MED21: variants seen among roughly 807,000 people sequenced by gnomAD.
MED21 encodes the protein mediator of RNA polymerase II transcription subunit 21.
Under a neutral mutation model 18.2 loss-of-function variants are expected in MED21, and 9 were observed. The ratio of observed to expected loss-of-function variants is 0.49; its 90% CI spans 0.30 to 0.86. The LOEUF is 0.86. Among genes scored for constraint, MED21 ranks in the 40% least tolerant of loss-of-function variants. The pLI is 0.07. For synonymous variants in MED21, 73 were observed against 60.5 expected, an observed-to-expected ratio of 1.21 and a Z score of -0.96; for missense variants, 150 against 170.9, an observed-to-expected ratio of 0.88 and a Z score of 0.68.
intron 1 of MED21, 116 bp downstream of exon 1, chr12:27,022,737 T>C (rs2136479453): frequency 6.3e-7 from 1 of 1,583,650 alleles, no homozygotes; most frequent in South Asian, 1.1e-5. Context: ...AGACAGGGCT[T>C]CGGCATAAAG....
Position 27,028,590 on chromosome 12 carries a change from G to T in MED21, c.*129G>T. 2.2e-6 allele frequency: 3 copies of T among 1,336,716 alleles called. No homozygotes were observed. Among genetic ancestry groups the T allele is most frequent in the Non-Finnish European group, 2.9e-6 (3 of 1,039,152 alleles). 82.8% of individuals were successfully genotyped at this position (1,336,716 alleles called of 1,614,324 possible). ...AACACTATGACACATTACCTTTTTA[G>T]CTATTTTTAATAGTCTTCTATTTTC... On this transcript the variant is annotated 3_prime_UTR_variant, in exon 4 of 4. Coordinates refer to ENST00000282892, the MANE Select transcript of MED21 (RefSeq NM_004264.5).
intron 1 of MED21, among the ~76,000 whole-genome samples, chr12:27,025,144 C>G (rs1941527240): frequency 6.6e-6 from 1 of 152,068 alleles, no homozygotes; most frequent in Non-Finnish European, 1.5e-5. Context: ...TGTGTGTTTC[C>G]TCTATTACAA....
chr12:27,022,649 G>T, intron 1 of MED21, 28 bp downstream of exon 1: 1 of 1,610,526 alleles, frequency 6.2e-7, no homozygotes, highest in Non-Finnish European at 8.5e-7. Context: ...ATTAGCCTCT[G>T]TCTTTCTCTT....
intron 2 of MED21, chr12:27,037,463 A>G (rs1263481672): frequency 6.6e-6 from 1 of 151,988 alleles, no homozygotes; most frequent in Admixed American, 6.6e-5. Context: ...CCTGGCCAGA[A>G]CTTCCAACAC....
intron 1 of MED21, among the ~76,000 whole-genome samples, chr12:27,025,294 C>T (rs1291193797): frequency 6.6e-6 from 1 of 152,132 alleles, no homozygotes; most frequent in Non-Finnish European, 1.5e-5. Context: ...TGGGCAAAGC[C>T]ATTTAGTCAT....
In MED21 at chr12:27,028,842, C is replaced by T; in HGVS notation, c.*381C>T. On this transcript the variant is annotated 3_prime_UTR_variant, in exon 4 of 4. Transcript: ENST00000282892. ...AAGCCAAAGGAGAAGACAGTAAGAA[C>T]AGACATAAGGGACATTTTAGTTTGG... The T allele has an allele frequency of 1.0e-6, 1 of 991,350 alleles. No homozygotes were observed. Among genetic ancestry groups the T allele is most frequent in the Non-Finnish European group, 1.2e-6 (1 of 833,462 alleles). 61.4% of individuals were successfully genotyped at this position (991,350 alleles called of 1,614,324 possible).
At chr12:27,034,203 G>C (rs1044590218), downstream of MED21, among the ~76,000 whole-genome samples, 10 of 152,132 alleles carry the variant, frequency 6.6e-5, no homozygotes, top group African/African-American at 2.4e-4. Flanking sequence ...ATCACCTGAG[G>C]TCAGGTGTTC....
rs1192788582 is a variant in MED21, at chr12:27,029,292, TC to T, written c.*833del. The T allele has an allele frequency of 7.1e-6, 7 of 985,276 alleles. No individual in the cohort carries two copies. The Admixed American group carries it at 4.3e-4, about 61-fold the overall frequency. The allele number at this position is 985,276 out of a possible 1,614,324, so 61.0% of individuals were successfully genotyped here. Reference sequence around the variant, plus strand: ...TATTCTAGTCAGACCAGAACATACTTCCACTACATCAGTTACTTGGCATCAT... The same window carrying T: ...TATTCTAGTCAGACCAGAACATACTTCACTACATCAGTTACTTGGCATCAT... On this transcript the variant is annotated 3_prime_UTR_variant, in exon 4 of 4. Coordinates refer to ENST00000282892, the MANE Select transcript of MED21 (RefSeq NM_004264.5).
In MED21 at chr12:27,029,357, C is replaced by G. The variant is rs1414419462; in HGVS notation, c.*896C>G. The G allele has an allele frequency of 3.0e-6, 3 of 985,244 alleles. No individual in the cohort carries two copies. Among genetic ancestry groups the G allele is most frequent in the Non-Finnish European group, 3.6e-6 (3 of 829,906 alleles). 61.0% of individuals were successfully genotyped at this position (985,244 alleles called of 1,614,324 possible). ...ATTATTGCCAAATAATAATTTGTGT[C>G]AGCATTTTCAACTATGGTTATTCAT... is the stretch of plus-strand genomic sequence containing the variant. On this transcript the variant is annotated 3_prime_UTR_variant, in exon 4 of 4. Transcript: ENST00000282892.
At position 27,026,058 on chromosome 12, in the gene MED21, CT is replaced by C. The variant is rs1375398996; in HGVS notation, c.43-358del. ...TAGATATTTACAAGTCAAATTTGCTCTTTTCCATCACTATCCCCAAAAAGTC... is the reference window on the plus strand; with the variant it reads ...TAGATATTTACAAGTCAAATTTGCTCTTTCCATCACTATCCCCAAAAAGTC... On this transcript the variant is annotated intron_variant, in intron 1 of 3. Coordinates refer to ENST00000282892, the MANE Select transcript of MED21 (RefSeq NM_004264.5). Among the ~76,000 whole-genome samples, 3 of 152,292 alleles carry C rather than the reference CT, an allele frequency of 2.0e-5. No individual in the cohort carries two copies. In the East Asian group the frequency reaches 5.8e-4, roughly 29 times the overall value.
rs1218701366 is a variant in MED21, at chr12:27,030,234, A to G, written c.*1773A>G. 3.2e-6 allele frequency: 2 copies of G among 634,366 alleles called. No homozygotes were observed. The highest frequency in any genetic ancestry group is 5.8e-6 in the Non-Finnish European group (2 of 344,492). 39.3% of individuals were successfully genotyped at this position (634,366 alleles called of 1,614,324 possible). A position where few individuals can be genotyped will look rare whatever the true frequency, so the allele number is the denominator to read the frequency against. ...TGCAGCTTCACCCTGGGTTCAGGTG[A>G]TCCTCCCACTTCAGCCTCTTCAGTA... is the stretch of plus-strand genomic sequence containing the variant. On this transcript the variant is annotated 3_prime_UTR_variant, in exon 4 of 4. Coordinates refer to ENST00000282892, the MANE Select transcript of MED21 (RefSeq NM_004264.5).
chr12:27,022,833 C>CT (rs1371390533), intron 1 of MED21: 13 of 1,483,938 alleles, frequency 8.8e-6, no homozygotes, highest in Non-Finnish European at 1.2e-5. Flanking sequence ...GGAGCAGACT[C>CT]TTTCGCTTGA....
intron 2 of MED21, among the ~76,000 whole-genome samples, chr12:27,036,855 TTTG>T (rs1941652891): frequency 6.6e-6 from 1 of 152,244 alleles, no homozygotes; most frequent in South Asian, 2.1e-4. Context: ...TGTAGTATAG[TTTG>T]AAGTCAGGTA....
downstream of MED21, among the ~76,000 whole-genome samples, chr12:27,031,946 CTG>C (rs1157605749): frequency 6.6e-6 from 1 of 152,112 alleles, no homozygotes; most frequent in Non-Finnish European, 1.5e-5. Context: ...GTGGATATGA[CTG>C]TTGGATTAGG....
Position 27,029,304 on chromosome 12 carries a change from G to A in MED21, c.*843G>A. The A allele has an allele frequency of 1.0e-6, 1 of 985,278 alleles. No individual in the cohort carries two copies. Among genetic ancestry groups the A allele is most frequent in the Non-Finnish European group, 1.2e-6 (1 of 829,908 alleles). 61.0% of individuals were successfully genotyped at this position (985,278 alleles called of 1,614,324 possible). On this transcript the variant is annotated 3_prime_UTR_variant, in exon 4 of 4. Transcript: ENST00000282892. Reference sequence around the variant, plus strand: ...ACCAGAACATACTTCCACTACATCAGTTACTTGGCATCATTTCACCTCAGT... The same window carrying A: ...ACCAGAACATACTTCCACTACATCAATTACTTGGCATCATTTCACCTCAGT...
At chr12:27,036,732 A>G (rs932648390) in intron 2 of MED21, among the ~76,000 whole-genome samples, 10 of 152,310 alleles carry the variant, frequency 6.6e-5, no homozygotes, top group African/African-American at 9.6e-5. Context: ...CAGGTTTGTC[A>G]AAGATCAGAT....
intron 1 of MED21, among the ~76,000 whole-genome samples, chr12:27,024,491 G>A (rs1941518167): frequency 6.6e-6 from 1 of 152,134 alleles, no homozygotes; most frequent in African/African-American, 2.4e-5. Context: ...GACTTGCCTG[G>A]GCTGCCAGCC....
chr12:27,029,898 T>A lies in MED21; in HGVS notation c.*1437T>A. On this transcript the variant is annotated 3_prime_UTR_variant, in exon 4 of 4. Coordinates refer to ENST00000282892, the MANE Select transcript of MED21 (RefSeq NM_004264.5). Reference sequence around the variant, plus strand: ...AGACATTTTTCAAATGAGGGAAAACTAACAGGATTTATCACTAGTAAACCT... The same window carrying A: ...AGACATTTTTCAAATGAGGGAAAACAAACAGGATTTATCACTAGTAAACCT... 1 of 850,858 alleles carries A rather than the reference T, an allele frequency of 1.2e-6. No individual in the cohort carries two copies. Among genetic ancestry groups the A allele is most frequent in the Non-Finnish European group, 1.5e-6 (1 of 675,976 alleles). 52.7% of individuals were successfully genotyped at this position (850,858 alleles called of 1,614,324 possible).
chr12:27,027,020 C>T (rs551075981), intron 2 of MED21, among the ~76,000 whole-genome samples: 3 of 152,276 alleles, frequency 2.0e-5, no homozygotes, highest in Admixed American at 2.0e-4. Context: ...CTTTCGCCTC[C>T]CGGGTTCAAG....
Sources: allele counts gnomAD v4.1 joint callset (sites outside exome capture counted in the v4.1 genomes callset), GRCh38; gene constraint gnomAD v4.1.1; transcripts MANE v1.5; gene names NCBI Gene and HGNC (gene_info 2026-07-23, HGNC 2026-07-21).